The following C10orf90 variants were observed in gnomAD, a reference collection of about 807,000 sequenced individuals.
C10orf90 encodes (E2-independent) E3 ubiquitin-conjugating enzyme FATS.
C10orf90 carries 56 observed loss-of-function variants against 62.5 expected under a neutral mutation model. That is an observed-to-expected ratio of 0.90 (90% CI 0.72 to 1.12). The LOEUF is 1.12. C10orf90 is among the 50% of genes most tolerant of loss of function. C10orf90 has a pLI of 0.00. For synonymous variants in C10orf90, 386 were observed against 340.4 expected, an observed-to-expected ratio of 1.13 and a Z score of -1.47; for missense variants, 970 against 880.4, an observed-to-expected ratio of 1.10 and a Z score of -1.29.
At chr10:126,489,977 TAA>T (rs1491575845) in intron 4 of C10orf90, among the ~76,000 whole-genome samples, 1 of 121,284 alleles carries the variant, frequency 8.2e-6, no homozygotes, top group Non-Finnish European at 1.6e-5. Flanking sequence ...TATATACATA[TAA>T]TATATATATA....
At chr10:126,475,620 C>G (rs1860816740) in intron 4 of C10orf90, among the ~76,000 whole-genome samples, 1 of 149,034 alleles carries the variant, frequency 6.7e-6, no homozygotes, top group African/African-American at 2.5e-5. Context: ...TATGAGTATG[C>G]TTGGCAAAAC....
Position 126,536,732 on chromosome 10 carries a change from G to A in C10orf90, c.314-22793C>T, listed in dbSNP as rs190422172. On this transcript the variant is annotated intron_variant, in intron 2 of 9. Coordinates refer to ENST00000488181, the MANE Select transcript of C10orf90 (RefSeq NM_001350921.2). Reference sequence around the variant, plus strand: ...GTTCTTGAATTCATTTGGGGCCCTCGCAAGTCTGATAAAAATGTTTCCCAT... The same window carrying A: ...GTTCTTGAATTCATTTGGGGCCCTCACAAGTCTGATAAAAATGTTTCCCAT... Among the ~76,000 whole-genome samples the A allele has an allele frequency of 1.7e-3, 262 of 152,210 alleles. 1 individual carries two copies. The highest frequency in any genetic ancestry group is 1.5e-3 in the Non-Finnish European group (99 of 68,016).
intron 2 of C10orf90, among the ~76,000 whole-genome samples, chr10:126,535,339 A>T (rs1796475735): frequency 6.6e-6 from 1 of 151,852 alleles, no homozygotes; most frequent in Admixed American, 6.6e-5. Context: ...AACAAGGTGA[A>T]ATCCCGTGTC....
In C10orf90 at chr10:126,473,769, C is replaced by A. The variant is rs149725007; in HGVS notation, c.1535-8783G>T. On this transcript the variant is annotated intron_variant, in intron 4 of 9. Transcript: ENST00000488181. ...ATCAAGGTATAAGAGTAGACAGATG[C>A]GTGGTAGCATAGAGCACAATCACAT... Among the ~76,000 whole-genome samples the A allele has an allele frequency of 1.3e-4, 20 of 152,132 alleles. No homozygotes were observed. The East Asian group carries it at 3.9e-3, about 30-fold the overall frequency.
At chr10:126,452,078 C>G (rs1859237153) in intron 7 of C10orf90, among the ~76,000 whole-genome samples, 1 of 152,100 alleles carries the variant, frequency 6.6e-6, no homozygotes, top group Non-Finnish European at 1.5e-5. Flanking sequence ...ATTAATACAT[C>G]TTAAATATTC....
At chr10:126,616,218 C>T (rs1435245256) in intron 2 of C10orf90, among the ~76,000 whole-genome samples, 3 of 152,172 alleles carry the variant, frequency 2.0e-5, no homozygotes, top group Non-Finnish European at 4.4e-5. Context: ...CCTCCACATC[C>T]ATCTGCCTCG....
intron 4 of C10orf90, among the ~76,000 whole-genome samples, chr10:126,465,432 G>A (rs1860228679): frequency 6.7e-6 from 1 of 150,044 alleles, no homozygotes; most frequent in Admixed American, 6.6e-5. Context: ...TGATTATATT[G>A]TATATAACAA....
chr10:126,558,497 C>T (rs1297115103), intron 2 of C10orf90, among the ~76,000 whole-genome samples: 1 of 152,218 alleles, frequency 6.6e-6, no homozygotes, highest in East Asian at 1.9e-4. Context: ...CTGTGCACCC[C>T]CTCACCTTGC....
intron 2 of C10orf90, among the ~76,000 whole-genome samples, chr10:126,599,255 A>G (rs2804426): frequency 0.16 from 23,376 of 146,578 alleles, 3,529 homozygotes; most frequent in African/African-American, 0.39. Flanking sequence ...CGGGGATCTC[A>G]GCTTACTGCA....
At chr10:126,650,777 A>G (rs1282369420) in intron 1 of C10orf90, among the ~76,000 whole-genome samples, 1 of 152,184 alleles carries the variant, frequency 6.6e-6, no homozygotes, top group Admixed American at 6.5e-5. Flanking sequence ...GTTATATATA[A>G]CAAAACTCAG....
chr10:126,511,831 G>A (rs746821380), intron 3 of C10orf90, among the ~76,000 whole-genome samples: 5 of 151,878 alleles, frequency 3.3e-5, no homozygotes, highest in African/African-American at 4.8e-5. Context: ...TTCTGCATGG[G>A]GTTGCTATTA....
intron 2 of C10orf90, among the ~76,000 whole-genome samples, chr10:126,566,745 C>A (rs1286099037): frequency 6.6e-6 from 1 of 152,132 alleles, no homozygotes; most frequent in Non-Finnish European, 1.5e-5. Flanking sequence ...TTAGGAAAAG[C>A]ACTTTTGCTT....
intron 2 of C10orf90, among the ~76,000 whole-genome samples, chr10:126,592,064 A>G (rs1480171627): frequency 1.3e-5 from 2 of 152,246 alleles, no homozygotes; most frequent in East Asian, 1.9e-4. Context: ...AAACAAATGG[A>G]AAAACATTCC....
chr10:126,584,123 A>G (rs966649904), intron 2 of C10orf90, among the ~76,000 whole-genome samples: 3 of 151,866 alleles, frequency 2.0e-5, no homozygotes, highest in African/African-American at 7.2e-5. Flanking sequence ...CTATCTCAGA[A>G]GAAATATGAG....
chr10:126,468,191 C>A (rs1186728766), intron 4 of C10orf90, among the ~76,000 whole-genome samples: 1 of 151,882 alleles, frequency 6.6e-6, no homozygotes, highest in Non-Finnish European at 1.5e-5. Context: ...GCCTCAGCCT[C>A]CTGAGTAGCT....
intron 2 of C10orf90, among the ~76,000 whole-genome samples, chr10:126,570,206 T>C (rs568147101): frequency 9.3e-4 from 142 of 152,370 alleles, no homozygotes; most frequent in African/African-American, 3.3e-3. Context: ...GTATGCTTTA[T>C]GCCTGCGACT....
chr10:126,482,527 G>A (rs1861221158), intron 4 of C10orf90, among the ~76,000 whole-genome samples: 1 of 152,216 alleles, frequency 6.6e-6, no homozygotes, highest in African/African-American at 2.4e-5. Flanking sequence ...GCACAGGTGA[G>A]CAGGAAATTA....
intron 1 of C10orf90, among the ~76,000 whole-genome samples, chr10:126,657,909 C>T (rs1243326282): frequency 6.6e-6 from 1 of 152,138 alleles, no homozygotes; most frequent in Non-Finnish European, 1.5e-5. Flanking sequence ...AGCCACTGTG[C>T]CCAGCTACCA....
intron 7 of C10orf90, among the ~76,000 whole-genome samples, chr10:126,447,026 C>A (rs557995824): frequency 1.3e-5 from 2 of 152,042 alleles, no homozygotes; most frequent in African/African-American, 4.8e-5. Flanking sequence ...AGTGGATACA[C>A]AGCAGACAAA....
Sources: allele counts gnomAD v4.1 joint callset (sites outside exome capture counted in the v4.1 genomes callset), GRCh38; gene constraint gnomAD v4.1.1; transcripts MANE v1.5; gene names NCBI Gene and HGNC (gene_info 2026-07-23, HGNC 2026-07-21).